The following TMTC1 variants were observed in gnomAD, a reference collection of about 807,000 sequenced individuals.
TMTC1 encodes the protein protein O-mannosyl-transferase TMTC1.
TMTC1 carries 73 observed loss-of-function variants against 104.8 expected under a neutral mutation model. That is an observed-to-expected ratio of 0.70 (90% CI 0.58 to 0.85). The LOEUF is 0.85. TMTC1 is among the 40% of genes least tolerant of loss of function. The pLI is 0.00. For synonymous variants in TMTC1, 434 were observed against 428.7 expected, an observed-to-expected ratio of 1.01 and a Z score of -0.15; for missense variants, 1,035 against 1,096.1, an observed-to-expected ratio of 0.94 and a Z score of 0.79.
At chr12:29,623,041 TAAA>T (rs1326462693) in intron 6 of TMTC1, among the ~76,000 whole-genome samples, 1 of 152,216 alleles carries the variant, frequency 6.6e-6, no homozygotes. Flanking sequence ...TTGTCAAAAG[TAAA>T]ACATCTACTC....
At chr12:29,536,160 T>C (rs1315949809) in intron 11 of TMTC1, 49 bp downstream of exon 11, 3 of 1,189,792 alleles carry the variant, frequency 2.5e-6, no homozygotes, top group Admixed American at 3.5e-5. Context: ...AACATTAATT[T>C]ATACATGTAA....
chr12:29,643,250 C>G (rs1257550055), intron 5 of TMTC1, among the ~76,000 whole-genome samples: 2 of 151,376 alleles, frequency 1.3e-5, no homozygotes, highest in African/African-American at 4.9e-5. Flanking sequence ...CCTTAAAGAA[C>G]TAAAAGTAGA....
intron 7 of TMTC1, among the ~76,000 whole-genome samples, chr12:29,587,336 ATTTTT>A (rs895876660): frequency 6.7e-6 from 1 of 148,606 alleles, no homozygotes; most frequent in South Asian, 2.1e-4. Context: ...TTTCTTCTTT[ATTTTT>A]TTATTTTTTT....
At chr12:29,695,793 T>TTTTATATATATATATATATATA (rs371127995) in intron 5 of TMTC1, among the ~76,000 whole-genome samples, 13 of 83,758 alleles carry the variant, frequency 1.6e-4, no homozygotes, top group Non-Finnish European at 2.4e-4. Flanking sequence ...TACTTCCTTT[T>TTTTATATATATATATATATATA]TATATATATA....
chr12:29,675,226 A>T (rs2136695093), intron 5 of TMTC1, among the ~76,000 whole-genome samples: 1 of 152,300 alleles, frequency 6.6e-6, no homozygotes, highest in Non-Finnish European at 1.5e-5. Context: ...CACAAACATC[A>T]GGGCCCAATT....
intron 8 of TMTC1, 152 bp downstream of exon 8, chr12:29,583,255 C>T: frequency 1.5e-6 from 1 of 655,680 alleles, no homozygotes; most frequent in South Asian, 3.1e-5. Context: ...AGTTAAAACC[C>T]CACATAAAAT....
chr12:29,747,202 G>A (rs536628955), intron 5 of TMTC1, among the ~76,000 whole-genome samples: 1 of 152,122 alleles, frequency 6.6e-6, no homozygotes, highest in African/African-American at 2.4e-5. Flanking sequence ...AGAATTCACT[G>A]GGCTTTGTAA....
chr12:29,712,348 A>G (rs2136845026), intron 5 of TMTC1, among the ~76,000 whole-genome samples: 1 of 152,340 alleles, frequency 6.6e-6, no homozygotes, highest in African/African-American at 2.4e-5. Flanking sequence ...AGAATTAATT[A>G]TTTTCCCAAT....
intron 12 of TMTC1, chr12:29,519,740 ATTTTTAAGACAG>A (rs1944095364): frequency 6.6e-6 from 1 of 152,114 alleles, no homozygotes; most frequent in African/African-American, 2.4e-5. Flanking sequence ...TAGTTTTTAT[ATTTTTAAGACAG>A]TTTATTATTA....
At position 29,518,466 on chromosome 12, in the gene TMTC1, C is replaced by T. The variant is rs1944053707; in HGVS notation, c.2024+6G>A. 1 of 1,611,202 alleles carries T rather than the reference C, an allele frequency of 6.2e-7. No homozygotes were observed. Among genetic ancestry groups the T allele is most frequent in the Non-Finnish European group, 8.5e-7 (1 of 1,178,304 alleles). ...CAACTTATAAAGAAAAGAAAGGGAA[C>T]TTTACCGCTTGTACCATTCTTCAGC... On this transcript the variant is annotated splice_donor_region_variant and intron_variant, in intron 13 of 17. Coordinates refer to ENST00000539277, the MANE Select transcript of TMTC1 (RefSeq NM_001193451.2).
chr12:29,725,723 A>C (rs532212392), intron 5 of TMTC1, among the ~76,000 whole-genome samples: 2 of 152,184 alleles, frequency 1.3e-5, no homozygotes, highest in Non-Finnish European at 2.9e-5. Flanking sequence ...CATTTCAGGA[A>C]AAACGTTTAT....
chr12:29,775,467 G>C (rs965515789), intron 1 of TMTC1, among the ~76,000 whole-genome samples: 1 of 152,054 alleles, frequency 6.6e-6, no homozygotes, highest in Admixed American at 6.6e-5. Context: ...CAGAGAAATC[G>C]AGTAACCCCT....
chr12:29,690,485 T>C (rs540863184), intron 5 of TMTC1, among the ~76,000 whole-genome samples: 1 of 152,296 alleles, frequency 6.6e-6, no homozygotes, highest in Admixed American at 6.5e-5. Context: ...CTGGGACTAA[T>C]GCAAATGGAA....
chr12:29,526,507 A>G (rs35741143), intron 11 of TMTC1, among the ~76,000 whole-genome samples: 36,083 of 152,088 alleles, frequency 0.24, 4,501 homozygotes, highest in East Asian at 0.38. Flanking sequence ...TTGGTATTCA[A>G]TTAATTCTTG....
intron 5 of TMTC1, chr12:29,641,080 C>G (rs1938824677): frequency 6.6e-6 from 1 of 152,302 alleles, no homozygotes; most frequent in South Asian, 2.1e-4. Context: ...ACAGCAGCCA[C>G]AGCAAGACCC....
chr12:29,516,340 C>A lies in TMTC1; in HGVS notation c.2307+9G>T, dbSNP rs764212911. On this transcript the variant is annotated intron_variant, in intron 15 of 17. Transcript: ENST00000539277. ...AATCCAAAGAACTCTAAACAATGTC[C>A]TTCTTTACCTTGTCGTGGTTCTCCT... 1 of 1,611,020 alleles carries A rather than the reference C, an allele frequency of 6.2e-7. No individual in the cohort carries two copies. Among genetic ancestry groups the A allele is most frequent in the Non-Finnish European group, 8.5e-7 (1 of 1,178,308 alleles).
chr12:29,585,549 T>C (rs1946110302), intron 7 of TMTC1, among the ~76,000 whole-genome samples: 1 of 152,232 alleles, frequency 6.6e-6, no homozygotes, highest in African/African-American at 2.4e-5. Flanking sequence ...GCCTAGGTTT[T>C]CTTCTAGGGT....
At chr12:29,769,259 C>G (rs148569924) in intron 1 of TMTC1, among the ~76,000 whole-genome samples, 3,260 of 152,244 alleles carry the variant, frequency 0.021, 59 homozygotes, top group Middle Eastern at 0.051. Flanking sequence ...TAATAAACTC[C>G]ATTTTCACTC....
Position 29,506,897 on chromosome 12 carries a change from C to A in TMTC1, c.2598G>T (p.Leu866Phe). Residue 866 changes from leucine (L) to phenylalanine (F), a missense_variant, in exon 18 of 18, where the codon TTG (leucine) becomes TTT (phenylalanine). By Grantham distance (22) the Leu-to-Phe change is conservative. Coordinates refer to ENST00000539277, the MANE Select transcript of TMTC1 (RefSeq NM_001193451.2). ...SKLLKENLAK[L>F]DRLEKRLQEV... Reference sequence around the variant, plus strand: ...CTTGTAATCGTTTTTCTAGGCGATCCAATTTGGCAAGATTTTCCTTCAGCA... The same window carrying A: ...CTTGTAATCGTTTTTCTAGGCGATCAAATTTGGCAAGATTTTCCTTCAGCA... 1 of 1,614,094 alleles carries A rather than the reference C, an allele frequency of 6.2e-7. No homozygotes were observed.
Sources: gnomAD v4.1 joint callset for allele counts (sites outside exome capture counted in the v4.1 genomes callset) on GRCh38, gnomAD v4.1.1 for gene constraint, MANE v1.5 for transcripts, NCBI Gene and HGNC (gene_info 2026-07-23, HGNC 2026-07-21) for gene names.